Variants in SUPT3H observed in about 807,000 individuals in gnomAD.
The protein encoded by SUPT3H is transcription initiation protein SPT3 homolog.
In SUPT3H, 44 loss-of-function variants were observed where a neutral mutation model predicts 44.3. The observed-to-expected ratio is 0.99, with a 90% CI of 0.78 to 1.28. The LOEUF (loss-of-function observed/expected upper bound fraction) is 1.28. SUPT3H is among the 50% of genes most tolerant of loss of function. The pLI is 0.00. For synonymous variants in SUPT3H, 124 were observed against 125.6 expected (o/e 0.99, Z 0.09); for missense variants, 380 against 387.1 (o/e 0.98, Z 0.15).
intron 2 of SUPT3H, among the ~76,000 whole-genome samples, chr6:45,192,973 A>T (rs1261154029): frequency 6.6e-6 from 1 of 152,188 alleles, no homozygotes; most frequent in Non-Finnish European, 1.5e-5. Context: ...TGTTATGACC[A>T]GCCCGCCCAA....
At chr6:45,318,726 G>T (rs952352806) in intron 2 of SUPT3H, among the ~76,000 whole-genome samples, 1 of 151,886 alleles carries the variant, frequency 6.6e-6, no homozygotes. Flanking sequence ...TCAAAAATAT[G>T]CCATCTTTAG....
At chr6:45,236,953 C>T (rs1231929285) in intron 2 of SUPT3H, among the ~76,000 whole-genome samples, 2 of 152,078 alleles carry the variant, frequency 1.3e-5, no homozygotes. Context: ...AAAAGGAGTG[C>T]AAGTACAAAC....
intron 6 of SUPT3H, among the ~76,000 whole-genome samples, chr6:44,972,463 G>A (rs1777721039): frequency 6.6e-6 from 1 of 152,170 alleles, no homozygotes; most frequent in South Asian, 2.1e-4. Flanking sequence ...TGCTTTCATG[G>A]GCTGGTGTTG....
At chr6:44,859,392 A>C (rs1342689940) in intron 10 of SUPT3H, among the ~76,000 whole-genome samples, 1 of 152,196 alleles carries the variant, frequency 6.6e-6, no homozygotes, top group Non-Finnish European at 1.5e-5. Context: ...TAAACTTTCA[A>C]ATGGAAAGCT....
intron 2 of SUPT3H, among the ~76,000 whole-genome samples, chr6:45,269,983 C>T (rs1775864467): frequency 6.6e-6 from 1 of 152,138 alleles, no homozygotes; most frequent in Non-Finnish European, 1.5e-5. Flanking sequence ...CGGATCTATC[C>T]TGTTTCTATA....
intron 2 of SUPT3H, among the ~76,000 whole-genome samples, chr6:45,308,756 T>TA (rs70996322): frequency 6.9e-6 from 1 of 145,246 alleles, no homozygotes; most frequent in Admixed American, 6.9e-5. Flanking sequence ...AAAATAAATT[T>TA]AAAAAAAAAA....
At chr6:45,101,534 C>T (rs1315112163) in intron 3 of SUPT3H, among the ~76,000 whole-genome samples, 1 of 152,100 alleles carries the variant, frequency 6.6e-6, no homozygotes, top group Non-Finnish European at 1.5e-5. Context: ...AAGAGTTGTA[C>T]AGAGATAAAC....
At chr6:45,079,058 C>T (rs898479317) in intron 3 of SUPT3H, among the ~76,000 whole-genome samples, 1 of 152,128 alleles carries the variant, frequency 6.6e-6, no homozygotes. Flanking sequence ...TGCCTATAAT[C>T]CCAGCACTTT....
intron 2 of SUPT3H, among the ~76,000 whole-genome samples, chr6:45,183,038 TTATTCACAATAAATAGCCAAAAGG>T (rs1469663877): frequency 6.6e-6 from 1 of 152,236 alleles, no homozygotes; most frequent in African/African-American, 2.4e-5. Flanking sequence ...CACTGCAGCA[TTATTCACAATAAATAGCCAAAAGG>T]TGGCAACAAC....
chr6:45,091,264 A>G (rs1026273194), intron 3 of SUPT3H, among the ~76,000 whole-genome samples: 1 of 151,952 alleles, frequency 6.6e-6, no homozygotes, highest in African/African-American at 2.4e-5. Context: ...CTGAATTTGT[A>G]TTTTCCACAC....
chr6:44,970,252 A>C (rs1009183994), intron 6 of SUPT3H, among the ~76,000 whole-genome samples: 2 of 152,154 alleles, frequency 1.3e-5, no homozygotes, highest in Non-Finnish European at 2.9e-5. Context: ...TTTTTAATCT[A>C]AATTTATTAA....
At chr6:44,965,992 G>A (rs1352813624) in intron 6 of SUPT3H, among the ~76,000 whole-genome samples, 1 of 152,130 alleles carries the variant, frequency 6.6e-6, no homozygotes, top group Non-Finnish European at 1.5e-5. Context: ...CCTAAGACCA[G>A]AAACTGTAAG....
At chr6:44,987,155 T>C (rs1376143225) in intron 6 of SUPT3H, among the ~76,000 whole-genome samples, 8 of 152,128 alleles carry the variant, frequency 5.3e-5, no homozygotes, top group African/African-American at 1.7e-4. Context: ...GTTCTTCCTG[T>C]TCTTACAAAA....
At position 44,828,080 on chromosome 6, in the gene SUPT3H, G is replaced by T. The variant is rs1386234227; in HGVS notation, c.*1736C>A. On this transcript the variant is annotated 3_prime_UTR_variant, in exon 11 of 11. Transcript: ENST00000371459. ...TTGTGCATACTTTAAAATGTATAATGTGGGAGAGAAGGAATTTTGATGTGA... is the reference window on the plus strand; with the variant it reads ...TTGTGCATACTTTAAAATGTATAATTTGGGAGAGAAGGAATTTTGATGTGA... Among the ~76,000 whole-genome samples, 1 of 152,128 alleles carries T rather than the reference G, an allele frequency of 6.6e-6. No individual in the cohort carries two copies. The highest frequency in any genetic ancestry group is 1.5e-5 in the Non-Finnish European group (1 of 67,994).
chr6:45,187,125 A>G (rs1425275518), intron 2 of SUPT3H, among the ~76,000 whole-genome samples: 1 of 150,548 alleles, frequency 6.6e-6, no homozygotes, highest in East Asian at 1.9e-4. Flanking sequence ...AAAAAAAAAA[A>G]AAAAGATGGC....
At chr6:44,891,012 G>A (rs1763226521) in intron 10 of SUPT3H, among the ~76,000 whole-genome samples, 1 of 151,902 alleles carries the variant, frequency 6.6e-6, no homozygotes, top group Admixed American at 6.6e-5. Context: ...GTAACATTAG[G>A]AGAAATACCT....
chr6:45,302,465 T>TA (rs1782279713), intron 2 of SUPT3H, among the ~76,000 whole-genome samples: 1 of 116,266 alleles, frequency 8.6e-6, no homozygotes, highest in Non-Finnish European at 2.0e-5. Context: ...ATTCCATATA[T>TA]ACATATATAT....
chr6:44,856,038 T>G (rs567131153), intron 10 of SUPT3H, among the ~76,000 whole-genome samples: 1 of 152,322 alleles, frequency 6.6e-6, no homozygotes, highest in South Asian at 2.1e-4. Context: ...TTTTCATTTT[T>G]GAAAAGCTGC....
chr6:44,973,411 T>C (rs1777873277), intron 6 of SUPT3H, among the ~76,000 whole-genome samples: 1 of 152,224 alleles, frequency 6.6e-6, no homozygotes, highest in Non-Finnish European at 1.5e-5. Context: ...ATTGTTTACA[T>C]TACTGTCAGC....
Sources: allele counts gnomAD v4.1 joint callset (sites outside exome capture counted in the v4.1 genomes callset), GRCh38; gene constraint gnomAD v4.1.1; transcripts MANE v1.5; gene names NCBI Gene and HGNC (gene_info 2026-07-23, HGNC 2026-07-21).